The following TMEM63B variants were observed in gnomAD, a reference collection of about 807,000 sequenced individuals.
The protein encoded by TMEM63B is transmembrane protein 63B.
Under a neutral mutation model 102.6 loss-of-function variants are expected in TMEM63B, and 23 were observed. That is an observed-to-expected ratio of 0.22 (90% confidence interval 0.16 to 0.32). The LOEUF is 0.32. TMEM63B is among the 10% of genes least tolerant of loss of function. The probability of loss-of-function intolerance (pLI) is 1.00; values close to 1 mark genes in which losing one functional copy is unlikely to be tolerated. For synonymous variants in TMEM63B, 444 were observed against 437.0 expected, an observed-to-expected ratio of 1.02 and a Z score of -0.20; for missense variants, 628 against 1,095.9, an observed-to-expected ratio of 0.57 and a Z score of 6.03.
At chr6:44,153,580 C>T in intron 20 of TMEM63B, 96 bp from the exon 21 acceptor site, 1 of 1,449,126 alleles carries the variant, frequency 6.9e-7, no homozygotes, top group Admixed American at 2.1e-5. Context: ...GGGGGCCAAC[C>T]CTTCAGCACT....
rs1225797920 is a variant in TMEM63B at position 44,152,564 on chromosome 6, A to C, written c.1837-29A>C. On this transcript the variant is annotated intron_variant, in intron 19 of 23. Coordinates refer to ENST00000323267, the MANE Select transcript of TMEM63B (RefSeq NM_018426.3). The surrounding 1 kb of genome is among the most constrained non-coding windows in gnomAD (Gnocchi z 6.4). Reference sequence around the variant, plus strand: ...CCTCTGGTCAGTCCCTGCCTCCCTGAGCCATCCTCCTGCCCGTCTCCCCCC... The same window carrying C: ...CCTCTGGTCAGTCCCTGCCTCCCTGCGCCATCCTCCTGCCCGTCTCCCCCC... 6.4e-7 allele frequency: 1 copy of C among 1,566,740 alleles called. No individual in the cohort carries two copies. The highest frequency in any genetic ancestry group is 8.7e-7 in the Non-Finnish European group (1 of 1,147,234).
intron 21 of TMEM63B, 42 bp from the exon 22 acceptor site, chr6:44,154,031 C>T (rs1023877044): frequency 6.3e-7 from 1 of 1,595,796 alleles, no homozygotes; most frequent in African/African-American, 1.3e-5. Context: ...GTGGGGAGGC[C>T]CACAGGAGAT....
chr6:44,154,259 G>A, intron 22 of TMEM63B, 71 bp downstream of exon 22: 1 of 1,596,900 alleles, frequency 6.3e-7, no homozygotes, highest in Non-Finnish European at 8.6e-7. Context: ...AGGGCCACAG[G>A]GCTGGCGAGG....
In TMEM63B at chr6:44,146,755, A is replaced by G. The variant is rs1045455558; in HGVS notation, c.783-92A>G. On this transcript the variant is annotated intron_variant, in intron 10 of 23. Transcript: ENST00000323267. ...TGTGAGCCACCACGTCCAGCCAGAGATGTGTTTCTTGAAGGTGATGGGGTC... is the reference window on the plus strand; with the variant it reads ...TGTGAGCCACCACGTCCAGCCAGAGGTGTGTTTCTTGAAGGTGATGGGGTC... 6.3e-6 allele frequency: 8 copies of G among 1,271,476 alleles called. No homozygotes were observed. In the African/African-American group the frequency reaches 1.0e-4, roughly 16 times the overall value. 78.8% of individuals were successfully genotyped at this position (1,271,476 alleles called of 1,614,324 possible).
chr6:44,152,511 C>T lies in TMEM63B; in HGVS notation c.1837-82C>T, dbSNP rs1170902067. On this transcript the variant is annotated intron_variant, in intron 19 of 23. Coordinates refer to ENST00000323267, the MANE Select transcript of TMEM63B (RefSeq NM_018426.3). This position sits in a 1 kb window ranked among gnomAD's most constrained non-coding sequence, Gnocchi z 6.4. ...TCTTTTCCGGCCCCAGAGGTCCTGGCTCCCTTCCCCCTCCCTCCTTCCCTG... is the reference window on the plus strand; with the variant it reads ...TCTTTTCCGGCCCCAGAGGTCCTGGTTCCCTTCCCCCTCCCTCCTTCCCTG... 1 of 1,009,218 alleles carries T rather than the reference C, an allele frequency of 9.9e-7. No homozygotes were observed. Among genetic ancestry groups the T allele is most frequent in the African/African-American group, 1.6e-5 (1 of 63,070 alleles). 62.5% of individuals were successfully genotyped at this position (1,009,218 alleles called of 1,614,324 possible).
chr6:44,128,296 G>T (rs1002162612), intron 1 of TMEM63B, among the ~76,000 whole-genome samples: 2 of 152,172 alleles, frequency 1.3e-5, no homozygotes, highest in Non-Finnish European at 2.9e-5. Context: ...CCGGCCCCGG[G>T]AGCGTGTCCT....
At position 44,148,784 on chromosome 6, in the gene TMEM63B, C is replaced by T; in HGVS notation, c.1260-8C>T. Reference sequence around the variant, plus strand: ...GTTCCTGGACTGACCGGTTCCCCACCTTGCCAGGGAGCACCTCTCCATCCG... The same window carrying T: ...GTTCCTGGACTGACCGGTTCCCCACTTTGCCAGGGAGCACCTCTCCATCCG... On this transcript the variant is annotated splice_polypyrimidine_tract_variant and splice_region_variant and intron_variant, in intron 14 of 23. Coordinates refer to ENST00000323267, the MANE Select transcript of TMEM63B (RefSeq NM_018426.3). The surrounding 1 kb of genome is among the most constrained non-coding windows in gnomAD (Gnocchi z 5.1). 1 of 1,614,128 alleles carries T rather than the reference C, an allele frequency of 6.2e-7. No homozygotes were observed. The highest frequency in any genetic ancestry group is 2.2e-5 in the East Asian group (1 of 44,868).
At chr6:44,130,769 C>G (rs1483235807) in intron 1 of TMEM63B, among the ~76,000 whole-genome samples, 1 of 132,412 alleles carries the variant, frequency 7.6e-6, no homozygotes, top group Non-Finnish European at 1.6e-5. Context: ...TTTTTCCCCT[C>G]GAGACAAGGT....
chr6:44,138,364 G>A (rs1381044139), intron 5 of TMEM63B, 116 bp from the exon 6 acceptor site: 1 of 1,284,858 alleles, frequency 7.8e-7, no homozygotes, highest in African/African-American at 1.5e-5. Context: ...TTTTTTTAGT[G>A]AGGGGTGTGG....
intron 1 of TMEM63B, among the ~76,000 whole-genome samples, chr6:44,132,442 G>A (rs754451387): frequency 3.9e-5 from 6 of 152,150 alleles, no homozygotes; most frequent in Non-Finnish European, 1.5e-5. Flanking sequence ...ATTTCATTCT[G>A]ATCTGATGGA....
intron 18 of TMEM63B, among the ~76,000 whole-genome samples, chr6:44,151,036 C>T (rs2128266241): frequency 6.6e-6 from 1 of 152,028 alleles, no homozygotes; most frequent in East Asian, 1.9e-4. Flanking sequence ...TAGGGAGTGT[C>T]TTGGAGGCTA....
intron 1 of TMEM63B, among the ~76,000 whole-genome samples, chr6:44,133,293 C>T (rs1042676076): frequency 1.3e-5 from 2 of 152,160 alleles, no homozygotes; most frequent in Non-Finnish European, 2.9e-5. Flanking sequence ...TGCCTCTTGC[C>T]CTGTGGTTGA....
chr6:44,135,412 C>T (rs1162439067), intron 4 of TMEM63B, 46 bp downstream of exon 4: 2 of 1,578,514 alleles, frequency 1.3e-6, no homozygotes, highest in South Asian at 1.1e-5. Context: ...CCAGCTTTCC[C>T]TTTTCTTCTC....
chr6:44,146,745 C>G, intron 10 of TMEM63B, 102 bp from the exon 11 acceptor site: 2 of 1,212,048 alleles, frequency 1.7e-6, no homozygotes, highest in Non-Finnish European at 2.4e-6. Context: ...GCCACCACGT[C>G]CAGCCAGAGA....
chr6:44,150,328 G>T lies in TMEM63B; in HGVS notation c.1607+18G>T, dbSNP rs773110085. ...CTGAGCAGGTGAGTTGAGAAGGATGGGGCAGGAGCCAGGGTAGGGGGACAG... is the reference window on the plus strand; with the variant it reads ...CTGAGCAGGTGAGTTGAGAAGGATGTGGCAGGAGCCAGGGTAGGGGGACAG... On this transcript the variant is annotated intron_variant, in intron 17 of 23. Transcript: ENST00000323267. This position sits in a 1 kb window ranked among gnomAD's most constrained non-coding sequence, Gnocchi z 4.7. 6.2e-7 allele frequency: 1 copy of T among 1,610,546 alleles called. No individual in the cohort carries two copies. The highest frequency in any genetic ancestry group is 2.2e-5 in the East Asian group (1 of 44,852).
chr6:44,141,681 A>G (rs1484361935), intron 10 of TMEM63B, among the ~76,000 whole-genome samples: 1 of 152,202 alleles, frequency 6.6e-6, no homozygotes, highest in Non-Finnish European at 1.5e-5. Context: ...AGGGTGGGGA[A>G]TCAGTGAAGG....
chr6:44,131,001 T>G (rs2128219254), intron 1 of TMEM63B, among the ~76,000 whole-genome samples: 1 of 152,128 alleles, frequency 6.6e-6, no homozygotes, highest in South Asian at 2.1e-4. Context: ...CACTGCAACC[T>G]CTGCCTCCTG....
At position 44,139,627 on chromosome 6, in the gene TMEM63B, C is replaced by T. The variant is rs749362302; in HGVS notation, c.550+18C>T. Reference sequence around the variant, plus strand: ...CCTGCTGGGTCAGTGAGGGCCAGGACGGCTAGGGTGGAGAGAGGATGGGGC... The same window carrying T: ...CCTGCTGGGTCAGTGAGGGCCAGGATGGCTAGGGTGGAGAGAGGATGGGGC... On this transcript the variant is annotated intron_variant, in intron 7 of 23. Coordinates refer to ENST00000323267, the MANE Select transcript of TMEM63B (RefSeq NM_018426.3). 5.6e-6 allele frequency: 9 copies of T among 1,614,096 alleles called. No individual in the cohort carries two copies. Among genetic ancestry groups the T allele is most frequent in the Non-Finnish European group, 7.6e-6 (9 of 1,180,008 alleles).
chr6:44,130,396 A>G (rs560646352), intron 1 of TMEM63B, among the ~76,000 whole-genome samples: 2 of 152,082 alleles, frequency 1.3e-5, no homozygotes, highest in South Asian at 4.2e-4. Flanking sequence ...AACATTTAAT[A>G]CTATTATTTT....
Sources: allele counts gnomAD v4.1 joint callset (sites outside exome capture counted in the v4.1 genomes callset), GRCh38; gene constraint gnomAD v4.1.1; non-coding constraint Gnocchi (gnomAD v3.1); transcripts MANE v1.5; gene names NCBI Gene and HGNC (gene_info 2026-07-23, HGNC 2026-07-21).